Variants in NOTCH3 observed in about 807,000 individuals in gnomAD.
NOTCH3 encodes the protein neurogenic locus notch homolog protein 3.
A neutral mutation model predicts 213.3 loss-of-function variants in NOTCH3; 86 were observed. The ratio of observed to expected loss-of-function variants is 0.40; its 90% CI spans 0.34 to 0.48. The LOEUF is 0.48. NOTCH3 is among the 20% of genes least tolerant of loss of function. NOTCH3 has a pLI of 0.57. For synonymous variants in NOTCH3, 1,354 were observed against 1,355.9 expected (o/e 1.00, Z 0.03); for missense variants, 2,783 against 3,272.6 (o/e 0.85, Z 3.65).
intron 1 of NOTCH3, among the ~76,000 whole-genome samples, chr19:15,198,804 G>A (rs561746127): frequency 1.3e-5 from 2 of 151,604 alleles, no homozygotes; most frequent in African/African-American, 2.4e-5. Flanking sequence ...CCAGCTACTC[G>A]GGAGGCTGAG....
chr19:15,181,863 G>C (rs2046845002), intron 16 of NOTCH3, 62 bp from the exon 17 acceptor site: 1 of 1,384,330 alleles, frequency 7.2e-7, no homozygotes, highest in African/African-American at 1.4e-5. Context: ...AGTCTGACTG[G>C]GATATGCCTT....
Position 15,161,419 on chromosome 19 carries a change from G to A in NOTCH3, c.6209C>T (p.Ala2070Val), listed in dbSNP as rs763603215. 28 of 1,530,056 alleles carry A rather than the reference G, an allele frequency of 1.8e-5. No individual in the cohort carries two copies. The highest frequency in any genetic ancestry group is 6.2e-5 in the Admixed American group (3 of 48,294). The allele number at this position is 1,530,056 out of a possible 1,614,324, so 94.8% of individuals were successfully genotyped here. The change falls in exon 33 of 33, where the codon GCG (alanine) becomes GTG (valine). Residue 2070 changes from alanine (A) to valine (V), a missense_variant. Ala to Val is a moderately conservative substitution (Grantham distance 64). Transcript: ENST00000263388. ...CCGGGGCCCCTGCGGCCCCAGCCCCGCCTTCCCGGGGGGCCTCCTGCTCTT... is the reference window on the plus strand; with the variant it reads ...CCGGGGCCCCTGCGGCCCCAGCCCCACCTTCCCGGGGGGCCTCCTGCTCTT... ...SKKSRRPPGK[A>V]GLGPQGPRGR...
intron 25 of NOTCH3, among the ~76,000 whole-genome samples, chr19:15,173,225 T>C (rs2046754200): frequency 6.8e-6 from 1 of 146,344 alleles, no homozygotes; most frequent in African/African-American, 2.5e-5. Flanking sequence ...ATCCAGACCA[T>C]CCTGGCTAAC....
chr19:15,161,849 G>T, intron 32 of NOTCH3, 135 bp from the exon 33 acceptor site: 1 of 725,938 alleles, frequency 1.4e-6, no homozygotes. Flanking sequence ...TCCCGGCTGT[G>T]CTGGGGGAGC....
rs750789333 is a variant in NOTCH3 at position 15,179,296 on chromosome 19, C to T, written c.3461-14G>A. The stretch of plus-strand genomic sequence containing the variant: ...CGCAGAGCACCCCTGGGGGAAGAAA[C>T]GAGGGGTGGTCAAGAGGGAATGAAG... On this transcript the variant is annotated splice_polypyrimidine_tract_variant and intron_variant, in intron 21 of 32. Coordinates refer to ENST00000263388, the MANE Select transcript of NOTCH3 (RefSeq NM_000435.3). The T allele has an allele frequency of 3.7e-6, 6 of 1,611,196 alleles. No individual in the cohort carries two copies. The East Asian group carries it at 6.7e-5, about 18-fold the overall frequency.
At chr19:15,167,739 G>A (rs2046698026) in intron 28 of NOTCH3, among the ~76,000 whole-genome samples, 1 of 152,044 alleles carries the variant, frequency 6.6e-6, no homozygotes, top group African/African-American at 2.4e-5. Flanking sequence ...ATTTTTAGTA[G>A]AGAAGGGGTT....
Position 15,161,722 on chromosome 19 carries a change from G to C in NOTCH3, c.5914-8C>G. On this transcript the variant is annotated splice_region_variant and splice_polypyrimidine_tract_variant and intron_variant, in intron 32 of 32. Transcript: ENST00000263388. Reference sequence around the variant, plus strand: ...GAATAGGGGGGTCTCCTCCTGGGGGGCCAGAACCCACAGAGGTCAGCGAAA... The same window carrying C: ...GAATAGGGGGGTCTCCTCCTGGGGGCCCAGAACCCACAGAGGTCAGCGAAA... The C allele has an allele frequency of 6.2e-7, 1 of 1,612,322 alleles. No homozygotes were observed. The highest frequency in any genetic ancestry group is 8.5e-7 in the Non-Finnish European group (1 of 1,179,112).
rs2046644229 is a variant in NOTCH3 at position 15,161,587 on chromosome 19, T to C, written c.6041A>G (p.Glu2014Gly). 1 of 1,611,576 alleles carries C rather than the reference T, an allele frequency of 6.2e-7. No homozygotes were observed. Among genetic ancestry groups the C allele is most frequent in the African/African-American group, 1.3e-5 (1 of 74,876 alleles). ...LDRLPRDVAQ[E>G]RLHQDIVRLL... is the part of the protein sequence containing the mutation. The stretch of plus-strand genomic sequence containing the variant: ...GCGCACGATGTCCTGGTGCAGTCTC[T>C]CCTGGGCTACGTCCCGCGGCAGCCT... The change falls in exon 33 of 33, where the codon GAG becomes GGG. Residue 2014 changes from glutamate (E) to glycine (G), a missense_variant. Glu to Gly is a moderately conservative substitution (Grantham distance 98). Around this residue, in one of 6 missense-constraint regions of NOTCH3, gnomAD observed 441 missense variants for 432.1 expected, o/e 1.02. Coordinates refer to ENST00000263388, the MANE Select transcript of NOTCH3 (RefSeq NM_000435.3).
Position 15,191,611 on chromosome 19 carries a change from G to A in NOTCH3, c.849C>T (p.Asn283=), listed in dbSNP as rs759120774. ...AGCAGGTACCCCCATTGTGGCAGGC[G>A]TTGGGCTGCAGCTGACACTCATCCA... ...EDVDECQLQP[N]ACHNGGTCFN... is the part of the protein sequence containing the mutation. Residue 283 remains asparagine, a synonymous_variant, in exon 6 of 33, where the codon AAC becomes AAT. Transcript: ENST00000263388. 63 of 1,613,240 alleles carry A rather than the reference G, an allele frequency of 3.9e-5. No homozygotes were observed. The highest frequency in any genetic ancestry group is 4.7e-5 in the Non-Finnish European group (56 of 1,180,008).
chr19:15,173,483 G>A (rs2145407189), intron 25 of NOTCH3, among the ~76,000 whole-genome samples: 1 of 145,580 alleles, frequency 6.9e-6, no homozygotes, highest in South Asian at 2.2e-4. Context: ...GCCCAGGCTA[G>A]ATTTGAATTC....
Position 15,170,522 on chromosome 19 carries a change from G to A in NOTCH3, c.4923C>T (p.Val1641=). The A allele has an allele frequency of 6.2e-7, 1 of 1,610,186 alleles. No homozygotes were observed. The highest frequency in any genetic ancestry group is 8.5e-7 in the Non-Finnish European group (1 of 1,179,928). The change falls in exon 27 of 33, where the codon GTC becomes GTT. Residue 1641 remains valine, a synonymous_variant. Transcript: ENST00000263388. ...GEPLEPPEPS[V]PLLPLLVAGA... Reference sequence around the variant, plus strand: ...CCGCCACTAGCAGTGGCAGCAGCGGGACGCTGGGTTCTGGAGGCTCCAGCG... The same window carrying A: ...CCGCCACTAGCAGTGGCAGCAGCGGAACGCTGGGTTCTGGAGGCTCCAGCG...
rs764148985 is a variant in NOTCH3, at chr19:15,187,171, G to T, written c.1774C>A (p.Arg592Ser). 99 of 1,614,080 alleles carry T rather than the reference G, an allele frequency of 6.1e-5. No individual in the cohort carries two copies. The highest frequency in any genetic ancestry group is 1.6e-4 in the Middle Eastern group (1 of 6,062). The change falls in exon 11 of 33, where the codon CGC becomes AGC. Residue 592 changes from arginine (R) to serine (S), a missense_variant. Physicochemically the swap from Arg to Ser is moderately radical, Grantham distance 110. Transcript: ENST00000263388. ...AGGTCTAGGCATTTGCCGCCATGGCGGCAGGGCTGGCTGCGGCATTCGTCC... is the reference window on the plus strand; with the variant it reads ...AGGTCTAGGCATTTGCCGCCATGGCTGCAGGGCTGGCTGCGGCATTCGTCC... ...QVDECRSQPC[R>S]HGGKCLDLVD...
rs1394672629 is a variant in NOTCH3, at chr19:15,173,116, T to C, written c.4736+952A>G. 9.9e-4 allele frequency among the ~76,000 whole-genome samples: 94 copies of C among 94,746 alleles called. 9 individuals carry two copies. The highest frequency in any genetic ancestry group is 8.1e-3 in the African/African-American group (90 of 11,152). The allele number at this position is 94,746 out of a possible 152,430, so 62.2% of individuals were successfully genotyped here. A position where few individuals can be genotyped will look rare whatever the true frequency, so the allele number is the denominator to read the frequency against. ...TCTTCTTCTTCTTCTTTTTTTTTTT[T>C]TTTTTTTTTTTTAAGAGATCGGAGG... On this transcript the variant is annotated intron_variant, in intron 25 of 32. Transcript: ENST00000263388.
chr19:15,186,589 G>C (rs2046883695), intron 12 of NOTCH3, among the ~76,000 whole-genome samples: 1 of 152,116 alleles, frequency 6.6e-6, no homozygotes, highest in Non-Finnish European at 1.5e-5. Flanking sequence ...ATTTTTAGTA[G>C]AGATGGGGCT....
Position 15,180,240 on chromosome 19 carries a change from C to A in NOTCH3, c.3159G>T (p.Gln1053His), listed in dbSNP as rs1338220401. ...CACACTGCCCACCCGCCTGACACAG[C>A]TGCTCCAGCCGCACCCCTGCAAAGA... ...AAAQIGVRLE[Q>H]LCQAGGQCVD... Residue 1053 changes from glutamine (Q) to histidine (H), a missense_variant, in exon 20 of 33, where the codon CAG (glutamine) becomes CAT (histidine). Physicochemically the swap from Gln to His is conservative, Grantham distance 24. Transcript: ENST00000263388. The A allele has an allele frequency of 1.2e-6, 2 of 1,613,518 alleles. No individual in the cohort carries two copies. Among genetic ancestry groups the A allele is most frequent in the Non-Finnish European group, 1.7e-6 (2 of 1,180,012 alleles).
In NOTCH3 at chr19:15,170,788, G is replaced by A. The variant is rs1228598074; in HGVS notation, c.4774C>T (p.Leu1592=). The change falls in exon 26 of 33, where the codon CTG becomes TTG. Residue 1592 remains leucine (L), a synonymous_variant. Transcript: ENST00000263388. Reference sequence around the variant, plus strand: ...CAGTGATCATTCTCAGGCGACTGCAGGCAGAGCCGGTTGTCAATCTCCAGC... The same window carrying A: ...CAGTGATCATTCTCAGGCGACTGCAAGCAGAGCCGGTTGTCAATCTCCAGC... ...VMLEIDNRLC[L]QSPENDHCFP... is the part of the protein sequence containing the mutation. 2.5e-6 allele frequency: 4 copies of A among 1,613,358 alleles called. No homozygotes were observed. The highest frequency in any genetic ancestry group is 2.2e-5 in the East Asian group (1 of 44,876).
intron 31 of NOTCH3, among the ~76,000 whole-genome samples, chr19:15,164,648 CCAGTGGCTACTATACTGGA>C (rs2046671453): frequency 6.6e-6 from 1 of 152,014 alleles, no homozygotes. Flanking sequence ...CTATATGTGG[CCAGTGGCTACTATACTGGA>C]CAGTGCAGAG....
intron 32 of NOTCH3, 130 bp from the exon 33 acceptor site, chr19:15,161,844 G>C (rs1393620009): frequency 1.3e-6 from 1 of 752,160 alleles, no homozygotes; most frequent in Non-Finnish European, 2.1e-6. Context: ...TTAAATCCCG[G>C]CTGTGCTGGG....
chr19:15,199,550 A>G (rs1313612918), intron 1 of NOTCH3, among the ~76,000 whole-genome samples: 2 of 151,644 alleles, frequency 1.3e-5, no homozygotes, highest in Non-Finnish European at 1.5e-5. Flanking sequence ...TTGTGTGTGT[A>G]TGTATGTCAA....
Sources: allele counts gnomAD v4.1 joint callset (sites outside exome capture counted in the v4.1 genomes callset), GRCh38; gene constraint gnomAD v4.1.1; regional missense constraint gnomAD v4.1.1; transcripts MANE v1.5; gene names NCBI Gene and HGNC (gene_info 2026-07-23, HGNC 2026-07-21).